MAP4K3: variants seen among roughly 807,000 people sequenced by gnomAD.
MAP4K3 encodes MAPK/ERK kinase kinase kinase 3.
A neutral mutation model predicts 143.5 loss-of-function variants in MAP4K3; 94 were observed. The observed-to-expected ratio is 0.65, with a 90% CI of 0.55 to 0.78. The LOEUF is 0.78. Among genes scored for constraint, MAP4K3 ranks in the 30% least tolerant of loss-of-function variants. The pLI is 0.00. For synonymous variants in MAP4K3, 416 were observed against 347.2 expected, an observed-to-expected ratio of 1.20 and a Z score of -2.20; for missense variants, 1,077 against 1,068.1, an observed-to-expected ratio of 1.01 and a Z score of -0.12.
chr2:39,288,837 G>C (rs1313827557), intron 19 of MAP4K3, among the ~76,000 whole-genome samples: 1 of 152,144 alleles, frequency 6.6e-6, no homozygotes, highest in East Asian at 1.9e-4. Flanking sequence ...CGGATCACGA[G>C]GTCAGGAGAT....
chr2:39,290,360 G>T, intron 18 of MAP4K3, 26 bp from the exon 19 acceptor site: 1 of 1,523,646 alleles, frequency 6.6e-7, no homozygotes, highest in Non-Finnish European at 9.0e-7. Flanking sequence ...TTTAGAATCA[G>T]AACTATTCAT....
In MAP4K3 at chr2:39,295,508, T is replaced by C. The variant is rs1011509913; in HGVS notation, c.1179-2240A>G. Among the ~76,000 whole-genome samples the C allele has an allele frequency of 3.3e-5, 5 of 152,102 alleles. No individual in the cohort carries two copies. The East Asian group carries it at 9.6e-4, about 29-fold the overall frequency. ...ATATTTGAGAAGTGCTGCTTTAAAC[T>C]ATTTTACCAAATTAAACATAATGTA... On this transcript the variant is annotated intron_variant, in intron 16 of 33. Transcript: ENST00000263881.
At chr2:39,345,830 G>A (rs1477972837) in intron 3 of MAP4K3, among the ~76,000 whole-genome samples, 1 of 147,818 alleles carries the variant, frequency 6.8e-6, no homozygotes, top group African/African-American at 2.5e-5. Context: ...ACTGAGGCAG[G>A]AGAATGGCAT....
intron 1 of MAP4K3, among the ~76,000 whole-genome samples, chr2:39,380,835 T>C (rs11688998): frequency 0.92 from 140,749 of 152,182 alleles, 66,044 homozygotes; most frequent in Non-Finnish European, 1. Context: ...AGAATCCACA[T>C]ACCATGAAGT....
intron 12 of MAP4K3, 34 bp downstream of exon 12, chr2:39,325,484 G>A (rs1683457416): frequency 1.4e-6 from 2 of 1,398,334 alleles, no homozygotes; most frequent in African/African-American, 2.8e-5. Context: ...ACATATACAT[G>A]TTATATATGC....
chr2:39,262,625 G>C (rs1282404821), intron 28 of MAP4K3, among the ~76,000 whole-genome samples: 3 of 151,962 alleles, frequency 2.0e-5, no homozygotes, highest in Non-Finnish European at 4.4e-5. Context: ...TAAGCAATTT[G>C]TATAAGTCAT....
chr2:39,369,198 T>G lies in MAP4K3; in HGVS notation c.154+8868A>C, dbSNP rs1325582523. Among the ~76,000 whole-genome samples the G allele has an allele frequency of 1.2e-4, 7 of 59,842 alleles. No homozygotes were observed. In the South Asian group the frequency reaches 2.5e-3, roughly 21 times the overall value. The allele number at this position is 59,842 out of a possible 152,430, so 39.3% of individuals were successfully genotyped here. Reference sequence around the variant, plus strand: ...AAATCTAAACCTTTGGGCTAGTTTTTTTTTTTGTTTTTTTTGAGATGCAGT... The same window carrying G: ...AAATCTAAACCTTTGGGCTAGTTTTGTTTTTTGTTTTTTTTGAGATGCAGT... On this transcript the variant is annotated intron_variant, in intron 2 of 33. Coordinates refer to ENST00000263881, the MANE Select transcript of MAP4K3 (RefSeq NM_003618.4).
At chr2:39,298,963 T>TAAAAAA (rs1272788333) in intron 16 of MAP4K3, among the ~76,000 whole-genome samples, 1 of 105,038 alleles carries the variant, frequency 9.5e-6, no homozygotes, top group African/African-American at 4.8e-5. Flanking sequence ...ACACTCTGCC[T>TAAAAAA]CAAAAAAAAA....
chr2:39,252,597 T>C (rs1343228175), intron 32 of MAP4K3, among the ~76,000 whole-genome samples: 1 of 152,136 alleles, frequency 6.6e-6, no homozygotes, highest in South Asian at 2.1e-4. Flanking sequence ...TAAGAATAAA[T>C]ATACAAGAAA....
chr2:39,309,723 G>A (rs1682878709), intron 13 of MAP4K3, among the ~76,000 whole-genome samples: 1 of 151,118 alleles, frequency 6.6e-6, no homozygotes, highest in South Asian at 2.1e-4. Context: ...ACGCCCGGCT[G>A]ATTTTTTTGT....
intron 24 of MAP4K3, among the ~76,000 whole-genome samples, chr2:39,275,907 C>T (rs1411313050): frequency 6.6e-6 from 1 of 152,076 alleles, no homozygotes; most frequent in African/African-American, 2.4e-5. Flanking sequence ...GAGTCTCACT[C>T]CGTTGCCCAG....
At chr2:39,361,938 T>G (rs1483135416) in intron 2 of MAP4K3, among the ~76,000 whole-genome samples, 2 of 151,960 alleles carry the variant, frequency 1.3e-5, no homozygotes, top group African/African-American at 4.8e-5. Flanking sequence ...GAAAACAAAG[T>G]ATTCTGTGAG....
chr2:39,310,550 C>T (rs1682904896), intron 13 of MAP4K3, among the ~76,000 whole-genome samples: 3 of 152,146 alleles, frequency 2.0e-5, no homozygotes, highest in Non-Finnish European at 4.4e-5. Context: ...CTGCAATAAA[C>T]TTGGGAGTGT....
At position 39,259,861 on chromosome 2, in the gene MAP4K3, G is replaced by A. The variant is rs559698895; in HGVS notation, c.2308+745C>T. Among the ~76,000 whole-genome samples, 28 of 151,998 alleles carry A rather than the reference G, an allele frequency of 1.8e-4. No homozygotes were observed. In the East Asian group the frequency reaches 2.3e-3, roughly 13 times the overall value. On this transcript the variant is annotated intron_variant, in intron 29 of 33. Coordinates refer to ENST00000263881, the MANE Select transcript of MAP4K3 (RefSeq NM_003618.4). Reference sequence around the variant, plus strand: ...AAGATTAATGCAAACATGACTTTACGGGTTTCCTATACACAGTGTCCTTCA... The same window carrying A: ...AAGATTAATGCAAACATGACTTTACAGGTTTCCTATACACAGTGTCCTTCA...
intron 1 of MAP4K3, among the ~76,000 whole-genome samples, chr2:39,428,195 T>C (rs1665158026): frequency 1.3e-5 from 2 of 152,238 alleles, no homozygotes; most frequent in Non-Finnish European, 2.9e-5. Flanking sequence ...GGGTTTAAGT[T>C]CCTCAGGGTA....
At chr2:39,399,345 C>G (rs995407131) in intron 1 of MAP4K3, among the ~76,000 whole-genome samples, 6 of 152,176 alleles carry the variant, frequency 3.9e-5, no homozygotes, top group Non-Finnish European at 8.8e-5. Context: ...GCAGGTCAGG[C>G]TAGGATTATG....
chr2:39,353,883 ATATT>A (rs1665530297), intron 3 of MAP4K3, among the ~76,000 whole-genome samples: 1 of 152,186 alleles, frequency 6.6e-6, no homozygotes, highest in South Asian at 2.1e-4. Context: ...TGTCATGTAG[ATATT>A]ATTATCATCT....
chr2:39,325,772 G>C lies in MAP4K3; in HGVS notation c.765C>G (p.Thr255=). ...CAGTAGGTCTTTTTTTCGGATTTTT[G>C]GTAAGTGCCATTTTCACAAAGTGAT... ...SFHHFVKMAL[T]KNPKKRPTAE... The change falls in exon 11 of 34, where the codon ACC becomes ACG. Residue 255 remains threonine (T), a synonymous_variant. Coordinates refer to ENST00000263881, the MANE Select transcript of MAP4K3 (RefSeq NM_003618.4). 5.0e-6 allele frequency: 8 copies of C among 1,608,946 alleles called. No homozygotes were observed. The highest frequency in any genetic ancestry group is 6.8e-6 in the Non-Finnish European group (8 of 1,178,210).
At chr2:39,276,172 T>C (rs975646182) in intron 24 of MAP4K3, among the ~76,000 whole-genome samples, 1 of 152,114 alleles carries the variant, frequency 6.6e-6, no homozygotes, top group African/African-American at 2.4e-5. Context: ...ACGGCCGGCC[T>C]TGTAATCGAT....
Sources: allele counts gnomAD v4.1 joint callset (sites outside exome capture counted in the v4.1 genomes callset), GRCh38; gene constraint gnomAD v4.1.1; transcripts MANE v1.5; gene names NCBI Gene and HGNC (gene_info 2026-07-23, HGNC 2026-07-21).